The following MYT1L variants were observed in gnomAD, a reference collection of about 807,000 sequenced individuals.
The protein encoded by MYT1L is myelin transcription factor 1 like, also known as myelin transcription factor 1-like protein.
A neutral mutation model predicts 126.7 loss-of-function variants in MYT1L; 12 were observed. The observed-to-expected ratio is 0.09, with a 90% CI of 0.06 to 0.15. The LOEUF is 0.15. MYT1L is among the 10% of genes least tolerant of loss of function. The pLI is 1.00. For synonymous variants in MYT1L, 541 were observed against 604.2 expected (o/e 0.90, Z 1.53); for missense variants, 979 against 1,585.2 (o/e 0.62, Z 6.49).
chr2:2,097,245 C>T (rs1031233893), intron 3 of MYT1L, among the ~76,000 whole-genome samples: 7 of 152,170 alleles, frequency 4.6e-5, no homozygotes, highest in African/African-American at 1.4e-4. Flanking sequence ...TGCTTTGCTA[C>T]ACGGCAGTGA....
At position 1,912,209 on chromosome 2, in the gene MYT1L, G is replaced by A; in HGVS notation, c.1619-99C>T. ...ATTTAACAAAGGCCAGGTCGCTCAT[G>A]ATAGACAGTCCTACAAACGTTTGTG... On this transcript the variant is annotated intron_variant, in intron 11 of 24. Transcript: ENST00000647738. This position sits in a 1 kb window ranked among gnomAD's most constrained non-coding sequence, Gnocchi z 4.3. 1.3e-6 allele frequency: 1 copy of A among 761,170 alleles called. No individual in the cohort carries two copies. Among genetic ancestry groups the A allele is most frequent in the Non-Finnish European group, 2.1e-6 (1 of 485,340 alleles). The allele number at this position is 761,170 out of a possible 1,614,324, so 47.2% of individuals were successfully genotyped here. A position where few individuals can be genotyped will look rare whatever the true frequency, so the allele number is the denominator to read the frequency against.
chr2:1,961,870 A>C (rs1240894927), intron 8 of MYT1L, among the ~76,000 whole-genome samples: 2 of 152,232 alleles, frequency 1.3e-5, no homozygotes, highest in Non-Finnish European at 2.9e-5. Context: ...TGACAGAAGA[A>C]ATATGAACTA....
intron 2 of MYT1L, among the ~76,000 whole-genome samples, chr2:2,183,378 G>A (rs1572224785): frequency 6.6e-6 from 1 of 152,148 alleles, no homozygotes; most frequent in Admixed American, 6.5e-5. Flanking sequence ...GGGAGGGGAG[G>A]AGAGAAAGGG....
intron 1 of MYT1L, among the ~76,000 whole-genome samples, chr2:2,293,887 A>G (rs1027075178): frequency 9.9e-5 from 15 of 152,206 alleles, no homozygotes; most frequent in African/African-American, 3.4e-4. Context: ...CAAGAACGCC[A>G]GCCTGCTCCG....
chr2:1,844,349 C>G (rs934247277), intron 19 of MYT1L, among the ~76,000 whole-genome samples: 1 of 152,098 alleles, frequency 6.6e-6, no homozygotes, highest in Non-Finnish European at 1.5e-5. Flanking sequence ...AACAAGGGAA[C>G]GTTTCCCTAC....
intron 2 of MYT1L, among the ~76,000 whole-genome samples, chr2:2,187,172 T>A (rs972800359): frequency 2.6e-5 from 4 of 152,086 alleles, no homozygotes; most frequent in African/African-American, 9.7e-5. Flanking sequence ...GGGCTCCCTC[T>A]TCCACCGAGG....
intron 4 of MYT1L, among the ~76,000 whole-genome samples, chr2:2,005,937 T>C (rs976937674): frequency 2.0e-5 from 3 of 151,746 alleles, no homozygotes; most frequent in African/African-American, 7.3e-5. Context: ...CGTTCTTTCC[T>C]GCATGTGTTC....
chr2:2,206,273 C>T (rs547228840), intron 2 of MYT1L, among the ~76,000 whole-genome samples: 169 of 152,146 alleles, frequency 1.1e-3, no homozygotes, highest in African/African-American at 3.6e-3. Flanking sequence ...CCACCGTGCC[C>T]GGCCAAGCTG....
At chr2:1,813,993 C>G (rs1490931229) in intron 21 of MYT1L, among the ~76,000 whole-genome samples, 1 of 138,976 alleles carries the variant, frequency 7.2e-6, no homozygotes, top group Non-Finnish European at 1.5e-5. Flanking sequence ...CGCCACTGCA[C>G]TCCAGCCTGG....
chr2:2,178,576 T>G (rs1476790263), intron 2 of MYT1L, among the ~76,000 whole-genome samples: 1 of 152,078 alleles, frequency 6.6e-6, no homozygotes, highest in Non-Finnish European at 1.5e-5. Context: ...GTTGGTGAGG[T>G]GGGCCTTTGG....
rs1441909824 is a variant in MYT1L, at chr2:1,943,473, G to A, written c.153-139C>T. On this transcript the variant is annotated intron_variant, in intron 8 of 24. Coordinates refer to ENST00000647738, the MANE Select transcript of MYT1L (RefSeq NM_001303052.2). The surrounding 1 kb of genome is among the most constrained non-coding windows in gnomAD (Gnocchi z 4.4). ...GAATGTCATCAGCACAAACACCAGA[G>A]AGACATAACATACATGTTCCCCGAA... The A allele has an allele frequency of 1.1e-5, 11 of 1,015,296 alleles. No homozygotes were observed. The highest frequency in any genetic ancestry group is 2.6e-5 in the East Asian group (1 of 37,836). 62.9% of individuals were successfully genotyped at this position (1,015,296 alleles called of 1,614,324 possible). A position where few individuals can be genotyped will look rare whatever the true frequency, so the allele number is the denominator to read the frequency against.
At chr2:1,861,047 C>A (rs1038648824) in intron 18 of MYT1L, among the ~76,000 whole-genome samples, 1 of 152,094 alleles carries the variant, frequency 6.6e-6, no homozygotes, top group Non-Finnish European at 1.5e-5. Flanking sequence ...CAGAGGGAAG[C>A]GGCGACAATG....
intron 2 of MYT1L, among the ~76,000 whole-genome samples, chr2:2,235,924 T>C (rs2094286532): frequency 6.6e-6 from 1 of 152,210 alleles, no homozygotes; most frequent in African/African-American, 2.4e-5. Flanking sequence ...TATATTTTTA[T>C]TGAAAATCCA....
chr2:1,894,588 A>T (rs550601385), intron 14 of MYT1L, among the ~76,000 whole-genome samples: 1 of 150,314 alleles, frequency 6.7e-6, no homozygotes, highest in Admixed American at 6.6e-5. Flanking sequence ...CCACTGGTTT[A>T]GGAAAAAAAA....
chr2:1,836,434 G>C (rs1412603459), intron 21 of MYT1L, among the ~76,000 whole-genome samples: 1 of 148,666 alleles, frequency 6.7e-6, no homozygotes, highest in South Asian at 2.1e-4. Context: ...GATTCCATCA[G>C]CCTGCACTCC....
At chr2:2,002,735 C>T (rs1465879690) in intron 4 of MYT1L, among the ~76,000 whole-genome samples, 2 of 152,070 alleles carry the variant, frequency 1.3e-5, no homozygotes, top group Non-Finnish European at 2.9e-5. Context: ...CCCCATAGTC[C>T]CCACATGTCA....
chr2:1,866,039 G>C (rs547132019), intron 18 of MYT1L, among the ~76,000 whole-genome samples: 1 of 152,328 alleles, frequency 6.6e-6, no homozygotes, highest in South Asian at 2.1e-4. Flanking sequence ...AGGGCTGTCT[G>C]TGACAGTGCT....
At position 2,203,935 on chromosome 2, in the gene MYT1L, A is replaced by G. The variant is rs555718224; in HGVS notation, c.-420-30947T>C. On this transcript the variant is annotated intron_variant, in intron 2 of 24. Coordinates refer to ENST00000647738, the MANE Select transcript of MYT1L (RefSeq NM_001303052.2). ...GAGATATAGACCAATGGAAGAGAACAGAGCCCTCAGAAATAATGACACATA... is the reference window on the plus strand; with the variant it reads ...GAGATATAGACCAATGGAAGAGAACGGAGCCCTCAGAAATAATGACACATA... 2.6e-4 allele frequency among the ~76,000 whole-genome samples: 39 copies of G among 152,340 alleles called. 2 individuals carry two copies. The South Asian group carries it at 4.8e-3, about 19-fold the overall frequency.
At position 1,984,216 on chromosome 2, in the gene MYT1L, T is replaced by G. The variant is rs6711804; in HGVS notation, c.1-4439A>C. ...GAGCCTCAGTGAAGAGATTATAATGTATATATATTTGATACATATATTTAG... is the reference window on the plus strand; with the variant it reads ...GAGCCTCAGTGAAGAGATTATAATGGATATATATTTGATACATATATTTAG... On this transcript the variant is annotated intron_variant, in intron 5 of 24. Coordinates refer to ENST00000647738, the MANE Select transcript of MYT1L (RefSeq NM_001303052.2). 1.3e-4 allele frequency among the ~76,000 whole-genome samples: 20 copies of G among 152,312 alleles called. No homozygotes were observed. The East Asian group carries it at 3.9e-3, about 29-fold the overall frequency.
Sources: allele counts gnomAD v4.1 joint callset (sites outside exome capture counted in the v4.1 genomes callset), GRCh38; gene constraint gnomAD v4.1.1; non-coding constraint Gnocchi (gnomAD v3.1); transcripts MANE v1.5; gene names NCBI Gene and HGNC (gene_info 2026-07-23, HGNC 2026-07-21).